GRHL2: variants seen among roughly 807,000 people sequenced by gnomAD.
The protein encoded by GRHL2 is grainyhead-like protein 2 homolog.
In GRHL2, 21 loss-of-function variants were observed where a neutral mutation model predicts 83.8. That is an observed-to-expected ratio of 0.25 (90% CI 0.18 to 0.36). GRHL2 has a LOEUF of 0.36. GRHL2 is among the 10% of genes least tolerant of loss of function. The probability of loss-of-function intolerance (pLI) is 1.00; values close to 1 mark genes in which losing one functional copy is unlikely to be tolerated. For synonymous variants in GRHL2, 280 were observed against 278.9 expected (o/e 1.00, Z -0.04); for missense variants, 623 against 781.8 (o/e 0.80, Z 2.42).
intron 8 of GRHL2, among the ~76,000 whole-genome samples, chr8:101,614,830 G>T (rs1324617258): frequency 6.6e-6 from 1 of 152,164 alleles, no homozygotes; most frequent in Non-Finnish European, 1.5e-5. Context: ...TTCAGTTAAA[G>T]TTCAACCATT....
chr8:101,593,135 G>A (rs1812321821), intron 7 of GRHL2, among the ~76,000 whole-genome samples: 1 of 151,806 alleles, frequency 6.6e-6, no homozygotes, highest in Admixed American at 6.6e-5. Flanking sequence ...TAGTGGAGAT[G>A]GGGTTTCCCC....
At chr8:101,638,706 T>G (rs1341208835) in intron 12 of GRHL2, among the ~76,000 whole-genome samples, 1 of 152,218 alleles carries the variant, frequency 6.6e-6, no homozygotes, top group Non-Finnish European at 1.5e-5. Flanking sequence ...GTTCTAAATT[T>G]TCTAAATGCC....
intron 14 of GRHL2, 66 bp downstream of exon 14, chr8:101,649,565 T>A: frequency 8.2e-7 from 1 of 1,224,884 alleles, no homozygotes; most frequent in Non-Finnish European, 1.2e-6. Flanking sequence ...GGAATCCATG[T>A]ACTAACGTGC....
chr8:101,628,387 T>G (rs1563615390), intron 9 of GRHL2, among the ~76,000 whole-genome samples: 1 of 151,954 alleles, frequency 6.6e-6, no homozygotes, highest in African/African-American at 2.4e-5. Context: ...GGGCTTCATT[T>G]TAAGCCCACT....
In GRHL2 at chr8:101,652,358, G is replaced by GT. The variant is rs1563626737; in HGVS notation, c.1698+2859_1698+2860insT. ...GTGTGTGTATGTGTGTGGTGTGTGTGGTGTGTGTGTGTCTGATGTGTGTGT... is the reference window on the plus strand; with the variant it reads ...GTGTGTGTATGTGTGTGGTGTGTGTGTGTGTGTGTGTGTCTGATGTGTGTGT... On this transcript the variant is annotated intron_variant, in intron 14 of 15. Transcript: ENST00000646743. 1.0e-3 allele frequency among the ~76,000 whole-genome samples: 75 copies of GT among 74,868 alleles called. 1 individual carries two copies. The highest frequency in any genetic ancestry group is 4.9e-3 in the African/African-American group (60 of 12,304). 49.1% of individuals were successfully genotyped at this position (74,868 alleles called of 152,430 possible).
At chr8:101,599,633 C>T (rs7845283) in intron 8 of GRHL2, among the ~76,000 whole-genome samples, 2,326 of 152,304 alleles carry the variant, frequency 0.015, 55 homozygotes, top group African/African-American at 0.051. Flanking sequence ...GTGTGGTCAC[C>T]ACTGTGACCT....
chr8:101,619,770 T>C, intron 9 of GRHL2, 73 bp downstream of exon 9: 1 of 1,175,368 alleles, frequency 8.5e-7, no homozygotes, highest in Non-Finnish European at 1.3e-6. Flanking sequence ...ATTTCTTCCT[T>C]GTCACCTTTG....
At chr8:101,521,341 C>T (rs149400916) in intron 1 of GRHL2, among the ~76,000 whole-genome samples, 59 of 152,258 alleles carry the variant, frequency 3.9e-4, no homozygotes, top group Non-Finnish European at 6.8e-4. Context: ...CAGCCCATGG[C>T]GAAGTGTGGT....
chr8:101,624,172 CACAGTACACAGTACACAGTAGG>C (rs1395257503), intron 9 of GRHL2, among the ~76,000 whole-genome samples: 1 of 117,846 alleles, frequency 8.5e-6, no homozygotes, highest in Non-Finnish European at 1.6e-5. Flanking sequence ...TAGGACAGTT[CACAGTACACAGTACACAGTAGG>C]ACAGTACACA....
At chr8:101,618,446 T>C (rs571759344) in intron 8 of GRHL2, among the ~76,000 whole-genome samples, 50 of 152,322 alleles carry the variant, frequency 3.3e-4, no homozygotes, top group African/African-American at 1.2e-3. Context: ...TTTTCTCTCC[T>C]GTTTCAGATC....
At chr8:101,580,496 C>A (rs1003603330) in intron 7 of GRHL2, among the ~76,000 whole-genome samples, 1 of 149,218 alleles carries the variant, frequency 6.7e-6, no homozygotes, top group Non-Finnish European at 1.5e-5. Flanking sequence ...CTCAAGTGAT[C>A]TGCCTGCCTC....
intron 4 of GRHL2, among the ~76,000 whole-genome samples, chr8:101,559,115 GA>G (rs1811550206): frequency 6.6e-6 from 1 of 151,974 alleles, no homozygotes; most frequent in Non-Finnish European, 1.5e-5. Flanking sequence ...TGTTTGTGTG[GA>G]AACTTCTGCT....
intron 13 of GRHL2, among the ~76,000 whole-genome samples, chr8:101,647,764 C>A (rs1813542078): frequency 7.6e-6 from 1 of 131,694 alleles, no homozygotes; most frequent in African/African-American, 3.1e-5. Context: ...TTTTTTCATA[C>A]ACTAACTGAA....
intron 4 of GRHL2, among the ~76,000 whole-genome samples, chr8:101,563,901 G>A (rs565679414): frequency 1.8e-4 from 28 of 152,026 alleles, no homozygotes; most frequent in Non-Finnish European, 2.9e-4. Flanking sequence ...TGCCACTGAT[G>A]TATTTTCTCA....
At chr8:101,523,808 C>CTA (rs947702307) in intron 1 of GRHL2, among the ~76,000 whole-genome samples, 7 of 151,934 alleles carry the variant, frequency 4.6e-5, no homozygotes, top group Admixed American at 1.3e-4. Context: ...GTTGCATAAG[C>CTA]TATATATATA....
intron 1 of GRHL2, among the ~76,000 whole-genome samples, chr8:101,540,396 C>T (rs976555589): frequency 2.6e-5 from 4 of 152,298 alleles, no homozygotes; most frequent in African/African-American, 7.2e-5. Flanking sequence ...GGTAGTAAGC[C>T]TGCCAACCAG....
chr8:101,509,140 TCC>T (rs1491552244), intron 1 of GRHL2, among the ~76,000 whole-genome samples: 59 of 76,088 alleles, frequency 7.8e-4, no homozygotes, highest in African/African-American at 1.7e-3. Flanking sequence ...CTTCCTTCCT[TCC>T]TTCCTTCCTT....
At chr8:101,581,211 G>A (rs1295906408) in intron 7 of GRHL2, among the ~76,000 whole-genome samples, 1 of 152,226 alleles carries the variant, frequency 6.6e-6, no homozygotes, top group Non-Finnish European at 1.5e-5. Flanking sequence ...GCTGCTGCTA[G>A]TTCTGACATT....
intron 1 of GRHL2, among the ~76,000 whole-genome samples, chr8:101,519,728 A>G (rs1810644889): frequency 1.3e-5 from 2 of 152,182 alleles, no homozygotes; most frequent in African/African-American, 2.4e-5. Context: ...GCAAACACAC[A>G]TATGTACGTA....
Sources: gnomAD v4.1 joint callset for allele counts (sites outside exome capture counted in the v4.1 genomes callset) on GRCh38, gnomAD v4.1.1 for gene constraint, MANE v1.5 for transcripts, NCBI Gene and HGNC (gene_info 2026-07-23, HGNC 2026-07-21) for gene names.